The following ST3GAL2 variants were observed in gnomAD, a reference collection of about 807,000 sequenced individuals.
The protein encoded by ST3GAL2 is CMP-N-acetylneuraminate-beta-galactosamide-alpha-2,3-sialyltransferase 2.
Under a neutral mutation model 37.5 loss-of-function variants are expected in ST3GAL2, and 16 were observed. The observed-to-expected ratio is 0.43, with a 90% CI of 0.29 to 0.65. The LOEUF is 0.65. Among genes scored for constraint, ST3GAL2 ranks in the 30% least tolerant of loss-of-function variants. ST3GAL2 has a pLI of 0.17. For synonymous variants in ST3GAL2, 238 were observed against 202.9 expected, an observed-to-expected ratio of 1.17 and a Z score of -1.47; for missense variants, 383 against 487.8, an observed-to-expected ratio of 0.79 and a Z score of 2.02.
chr16:70,405,925 G>T (rs900527240), intron 1 of ST3GAL2, among the ~76,000 whole-genome samples: 1 of 151,868 alleles, frequency 6.6e-6, no homozygotes. Flanking sequence ...GCCAGGCATG[G>T]TGGCGGGCGC....
At chr16:70,411,858 G>C (rs901991546) in intron 1 of ST3GAL2, among the ~76,000 whole-genome samples, 5 of 152,068 alleles carry the variant, frequency 3.3e-5, no homozygotes, top group Admixed American at 6.6e-5. Flanking sequence ...GCTGGGTGTG[G>C]TGGCGGATGT....
At chr16:70,397,852 G>C (rs1037286073) in intron 2 of ST3GAL2, among the ~76,000 whole-genome samples, 2 of 151,974 alleles carry the variant, frequency 1.3e-5, no homozygotes, top group Non-Finnish European at 1.5e-5. Context: ...ATCCAGCCTT[G>C]TGCAGCAACA....
Position 70,378,154 on chromosome 16 carries a change from G to C in ST3GAL2, c.*3535C>G, listed in dbSNP as rs2047363713. 1 of 152,100 alleles carries C rather than the reference G, an allele frequency of 6.6e-6. No individual in the cohort carries two copies. Among genetic ancestry groups the C allele is most frequent in the Non-Finnish European group, 1.5e-5 (1 of 68,022 alleles). 9.4% of individuals were successfully genotyped at this position (152,100 alleles called of 1,614,324 possible). A position where few individuals can be genotyped will look rare whatever the true frequency, so the allele number is the denominator to read the frequency against. ...GAGTTTTAAAAATCTATTATGGGCT[G>C]GGTGTGGTCAAACATTGGGAGGCCA... On this transcript the variant is annotated 3_prime_UTR_variant, in exon 7 of 7. Transcript: ENST00000342907.
At chr16:70,392,437 G>A (rs574349265) in intron 3 of ST3GAL2, among the ~76,000 whole-genome samples, 15 of 152,318 alleles carry the variant, frequency 9.8e-5, no homozygotes, top group African/African-American at 3.4e-4. Flanking sequence ...TCAGGGACAG[G>A]GGCGCAAGTG....
Position 70,377,648 on chromosome 16 carries a change from C to A in ST3GAL2, c.*4041G>T, listed in dbSNP as rs1384384571. On this transcript the variant is annotated 3_prime_UTR_variant, in exon 7 of 7. Coordinates refer to ENST00000342907, the MANE Select transcript of ST3GAL2 (RefSeq NM_006927.4). ...GACCAGCCTGGCCAACATGGTGAAA[C>A]CCCGTCTCTACTAAAAATACAAAAA... The A allele has an allele frequency of 6.6e-6, 1 of 151,968 alleles. No individual in the cohort carries two copies. The highest frequency in any genetic ancestry group is 1.5e-5 in the Non-Finnish European group (1 of 68,048). The allele number at this position is 151,968 out of a possible 1,614,324, so 9.4% of individuals were successfully genotyped here. A position where few individuals can be genotyped will look rare whatever the true frequency, so the allele number is the denominator to read the frequency against.
intron 1 of ST3GAL2, among the ~76,000 whole-genome samples, chr16:70,419,806 G>T (rs1243567669): frequency 1.3e-5 from 2 of 152,158 alleles, no homozygotes; most frequent in Admixed American, 1.3e-4. Context: ...CCACCGGGCT[G>T]GTATGACCTC....
intron 1 of ST3GAL2, among the ~76,000 whole-genome samples, chr16:70,426,181 C>CTTTTTTTTTTTTT (rs56342720): frequency 2.7e-4 from 27 of 99,510 alleles, no homozygotes; most frequent in South Asian, 7.1e-4. Context: ...GGGCCAAAGC[C>CTTTTTTTTTTTTT]TTTTTTTTTT....
intron 5 of ST3GAL2, 117 bp downstream of exon 5, chr16:70,383,073 G>A (rs192203340): frequency 1.4e-5 from 22 of 1,575,742 alleles, no homozygotes; most frequent in South Asian, 2.2e-5. Context: ...CAGGCATCTC[G>A]GCAGATGGGG....
chr16:70,428,536 G>A (rs2047766927), intron 1 of ST3GAL2, among the ~76,000 whole-genome samples: 1 of 152,222 alleles, frequency 6.6e-6, no homozygotes, highest in Admixed American at 6.5e-5. Context: ...CAGAAAGCCT[G>A]CCCCTTCCTC....
intron 1 of ST3GAL2, among the ~76,000 whole-genome samples, chr16:70,403,276 A>T (rs540127227): frequency 6.6e-6 from 1 of 152,312 alleles, no homozygotes; most frequent in South Asian, 2.1e-4. Flanking sequence ...TCAGGGAGAT[A>T]TGGAGGCTGT....
At chr16:70,429,544 G>C (rs1210697181) in intron 1 of ST3GAL2, among the ~76,000 whole-genome samples, 1 of 133,940 alleles carries the variant, frequency 7.5e-6, no homozygotes, top group Non-Finnish European at 1.5e-5. Context: ...AGCCGAGATC[G>C]CGCCACTGCA....
intron 1 of ST3GAL2, among the ~76,000 whole-genome samples, chr16:70,409,482 T>C (rs1206257332): frequency 1.3e-5 from 2 of 152,110 alleles, no homozygotes; most frequent in Non-Finnish European, 2.9e-5. Flanking sequence ...TAGCTGGGAT[T>C]ACAGGCATGC....
intron 1 of ST3GAL2, among the ~76,000 whole-genome samples, chr16:70,429,638 C>CT (rs1027728995): frequency 0.026 from 2,306 of 89,978 alleles, 56 homozygotes; most frequent in African/African-American, 0.038. Flanking sequence ...GCTTTAAATT[C>CT]TTTTTTTTTT....
At chr16:70,403,386 T>C (rs1037255686) in intron 1 of ST3GAL2, among the ~76,000 whole-genome samples, 1 of 152,240 alleles carries the variant, frequency 6.6e-6, no homozygotes, top group African/African-American at 2.4e-5. Flanking sequence ...TGGTTAAATT[T>C]AAGATGTCTT....
chr16:70,430,812 C>G (rs981172648), intron 1 of ST3GAL2, among the ~76,000 whole-genome samples: 1 of 152,158 alleles, frequency 6.6e-6, no homozygotes, highest in African/African-American at 2.4e-5. Context: ...GTTCTCTCCT[C>G]TCCCTTTACT....
chr16:70,434,541 G>A (rs1421482539), intron 1 of ST3GAL2, among the ~76,000 whole-genome samples: 1 of 152,206 alleles, frequency 6.6e-6, no homozygotes, highest in Admixed American at 6.5e-5. Context: ...CAGGGGCTGT[G>A]CATCAGAAAG....
chr16:70,415,004 T>C (rs1294971924), intron 1 of ST3GAL2, among the ~76,000 whole-genome samples: 1 of 151,908 alleles, frequency 6.6e-6, no homozygotes, highest in African/African-American at 2.4e-5. Context: ...CTCCCGAGTA[T>C]CTGGGACTAC....
chr16:70,406,496 G>T (rs922072369), intron 1 of ST3GAL2, among the ~76,000 whole-genome samples: 6 of 151,780 alleles, frequency 4.0e-5, no homozygotes, highest in Admixed American at 2.6e-4. Context: ...GGGCTGGAGT[G>T]GGGGGCCAGG....
intron 1 of ST3GAL2, among the ~76,000 whole-genome samples, chr16:70,424,785 C>T (rs552732730): frequency 6.6e-6 from 1 of 152,180 alleles, no homozygotes; most frequent in East Asian, 1.9e-4. Flanking sequence ...TATGACTGGC[C>T]ACATGCAGGG....
Sources: gnomAD v4.1 joint callset for allele counts (sites outside exome capture counted in the v4.1 genomes callset) on GRCh38, gnomAD v4.1.1 for gene constraint, MANE v1.5 for transcripts, NCBI Gene and HGNC (gene_info 2026-07-23, HGNC 2026-07-21) for gene names.